MTTP: variants seen among roughly 807,000 people sequenced by gnomAD.
The protein encoded by MTTP is microsomal triglyceride transfer protein large subunit.
In MTTP, 49 loss-of-function variants were observed where a neutral mutation model predicts 90.6. The ratio of observed to expected loss-of-function variants is 0.54; its 90% CI spans 0.43 to 0.69. MTTP has a LOEUF of 0.69. Ranked by LOEUF, MTTP falls within the 30% of genes least tolerant of loss-of-function variation. MTTP has a pLI of 0.00. For synonymous variants in MTTP, 347 were observed against 384.2 expected (o/e 0.90, Z 1.13); for missense variants, 945 against 1,067.5 (o/e 0.89, Z 1.60).
chr4:99,602,102 G>A (rs1278473412), intron 10 of MTTP, among the ~76,000 whole-genome samples: 1 of 151,964 alleles, frequency 6.6e-6, no homozygotes, highest in African/African-American at 2.4e-5. Context: ...TATACTTCTT[G>A]TTTTCAGAGA....
In MTTP at chr4:99,600,410, T is replaced by C. The variant is rs557314477; in HGVS notation, c.1068-155T>C. On this transcript the variant is annotated intron_variant, in intron 8 of 17. Transcript: ENST00000265517. ...TAAAATAAAATGGGGAGGGGTCTTT[T>C]TGAGAAAGTCTTAATCATTTTTTCA... Among the ~76,000 whole-genome samples, 8 of 152,154 alleles carry C rather than the reference T, an allele frequency of 5.3e-5. No homozygotes were observed. The South Asian group carries it at 1.7e-3, about 32-fold the overall frequency.
At chr4:99,602,761 C>T in intron 10 of MTTP, among the ~76,000 whole-genome samples, 1 of 152,086 alleles carries the variant, frequency 6.6e-6, no homozygotes, top group African/African-American at 2.4e-5. Flanking sequence ...TTTACTTCAG[C>T]TATTTGTGTA....
At chr4:99,581,772 A>C in intron 1 of MTTP, 133 bp from the exon 2 acceptor site, 2 of 860,064 alleles carry the variant, frequency 2.3e-6, no homozygotes, top group Non-Finnish European at 3.9e-6. Flanking sequence ...CAGCAGATGA[A>C]GTAGCACCAT....
chr4:99,613,029 A>G lies in MTTP; in HGVS notation c.2106A>G (p.Arg702=). Reference sequence around the variant, plus strand: ...CCATCCTCTTTGATGTTCAGCTCAGACCTGTCACCTTTTTCAACGGATACA... The same window carrying G: ...CCATCCTCTTTGATGTTCAGCTCAGGCCTGTCACCTTTTTCAACGGATACA... ...MSAILFDVQL[R]PVTFFNGYSD... The change falls in exon 15 of 18, where the codon AGA becomes AGG. Residue 702 remains arginine (R), a synonymous_variant. Transcript: ENST00000265517. 1 of 1,614,062 alleles carries G rather than the reference A, an allele frequency of 6.2e-7. No homozygotes were observed. Among genetic ancestry groups the G allele is most frequent in the Non-Finnish European group, 8.5e-7 (1 of 1,179,960 alleles).
Position 99,582,076 on chromosome 4 carries a change from A to C in MTTP, c.233A>C (p.Gln78Pro). ...AGGAATCCTGATGGTGATGATGACC[A>C]GTTGATCCAAATAACGGTGGGCATT... ...LWRNPDGDDD[Q>P]LIQITMKDVN... is the part of the protein sequence containing the mutation. Residue 78 changes from glutamine to proline, a missense_variant, in exon 2 of 18, where the codon CAG becomes CCG. Physicochemically the swap from Gln to Pro is moderately conservative, Grantham distance 76. Coordinates refer to ENST00000265517, the MANE Select transcript of MTTP (RefSeq NM_001386140.1). The C allele has an allele frequency of 6.2e-7, 1 of 1,614,190 alleles. No individual in the cohort carries two copies. The highest frequency in any genetic ancestry group is 8.5e-7 in the Non-Finnish European group (1 of 1,179,998).
chr4:99,621,735 A>T (rs1726238471), intron 17 of MTTP, among the ~76,000 whole-genome samples: 1 of 152,202 alleles, frequency 6.6e-6, no homozygotes, highest in Non-Finnish European at 1.5e-5. Flanking sequence ...GGGATTCTGA[A>T]TTTTTTTAAA....
rs1306934691 is a variant in MTTP at position 99,619,065 on chromosome 4, G to A, written c.2309G>A (p.Trp770Ter). Residue 770 changes from tryptophan (W) to a stop codon, truncating the protein, a stop_gained, in exon 16 of 18, where the codon TGG becomes TAG. Transcript: ENST00000265517. LOFTEE classifies it high-confidence loss of function. The part of the protein sequence containing the change: ...DISGAMEFSL[W>*]YRESKTRVKN... ...TCAGGTGCAATGGAGTTTAGCTTGT[G>A]GTATCGTGAGTCTAAAACCCGAGTG... 6.2e-7 allele frequency: 1 copy of A among 1,613,524 alleles called. No individual in the cohort carries two copies. The highest frequency in any genetic ancestry group is 8.5e-7 in the Non-Finnish European group (1 of 1,179,590).
rs775188670 is a variant in MTTP, at chr4:99,622,861, A to T, written c.*13A>T. 6.2e-7 allele frequency: 1 copy of T among 1,613,478 alleles called. No homozygotes were observed. The highest frequency in any genetic ancestry group is 8.5e-7 in the Non-Finnish European group (1 of 1,179,396). The stretch of plus-strand genomic sequence containing the variant: ...CGGATGGTTTTGAAACTGACCTGTG[A>T]TATTTTACTTGAATTTGTCTCCCCG... On this transcript the variant is annotated 3_prime_UTR_variant, in exon 18 of 18. Coordinates refer to ENST00000265517, the MANE Select transcript of MTTP (RefSeq NM_001386140.1).
At chr4:99,611,535 T>C in intron 14 of MTTP, 82 bp downstream of exon 14, 3 of 1,536,408 alleles carry the variant, frequency 2.0e-6, no homozygotes, top group Non-Finnish European at 2.7e-6. Context: ...ATGCTGTGGG[T>C]AATGCTATAG....
At position 99,589,720 on chromosome 4, in the gene MTTP, GAC is replaced by G; in HGVS notation, c.475_476del (p.Gln159ValfsTer8). ...AGAGAGGTCTGGCTAGCCTATTTCA[GAC>G]ACAGTTAAGCTCTGGAACCACCAAT... Reference protein sequence around the residue: ...IKRGLASLFQTQLSSGTTNEV... With the variant: ...IKRGLASLFQXQLSSGTTNEV... On this transcript the variant is annotated frameshift_variant, in exon 4 of 18. Coordinates refer to ENST00000265517, the MANE Select transcript of MTTP (RefSeq NM_001386140.1). LOFTEE classifies it high-confidence loss of function. 1 of 1,603,478 alleles carries G rather than the reference GAC, an allele frequency of 6.2e-7. No individual in the cohort carries two copies. The highest frequency in any genetic ancestry group is 8.5e-7 in the Non-Finnish European group (1 of 1,170,930).
chr4:99,569,794 C>T (rs1223004784), intron 1 of MTTP, among the ~76,000 whole-genome samples: 1 of 151,908 alleles, frequency 6.6e-6, no homozygotes, highest in Admixed American at 6.6e-5. Context: ...TACCAGACTG[C>T]TTCCTTTACT....
At chr4:99,611,095 C>G in intron 12 of MTTP, 48 bp from the exon 13 acceptor site, 1 of 1,559,630 alleles carries the variant, frequency 6.4e-7, no homozygotes, top group South Asian at 1.1e-5. Flanking sequence ...ACTTGGGAAA[C>G]AGTCATTACA....
Position 99,613,103 on chromosome 4 carries a change from T to C in MTTP, c.2180T>C (p.Val727Ala). 6.2e-7 allele frequency: 1 copy of C among 1,614,020 alleles called. No homozygotes were observed. Among genetic ancestry groups the C allele is most frequent in the Non-Finnish European group, 8.5e-7 (1 of 1,179,918 alleles). ...TCAGCATCTGGCGACCCTATCAGTG[T>C]GGTGAAAGGACTTATTCTGCTAATA... ...MLSASGDPIS[V>A]VKGLILLIDH... The change falls in exon 15 of 18, where the codon GTG becomes GCG. Residue 727 changes from valine to alanine, a missense_variant. Val to Ala is a moderately conservative substitution (Grantham distance 64, BLOSUM62 0). Coordinates refer to ENST00000265517, the MANE Select transcript of MTTP (RefSeq NM_001386140.1).
In MTTP at chr4:99,574,952, T is replaced by C. The variant is rs371979566; in HGVS notation, c.43T>C (p.Tyr15His). 8.7e-6 allele frequency: 14 copies of C among 1,614,052 alleles called. 1 individual carries two copies. Among genetic ancestry groups the C allele is most frequent in the Middle Eastern group, 3.3e-4 (2 of 6,066 alleles). Residue 15 changes from tyrosine to histidine, a missense_variant, in exon 1 of 18, where the codon TAT becomes CAT. Transcript: ENST00000265517. ...AVLFLCFISSYSASVKGHTTG... is the reference protein window; with the variant it reads ...AVLFLCFISSHSASVKGHTTG... ...GCTTTTTCTCTGCTTCATTTCCTCA[T>C]ATTCAGCTTCTGTTAAAGGTAAGTT...
In MTTP at chr4:99,613,354, T is replaced by A. The variant is rs372906883; in HGVS notation, c.2217+214T>A. Among the ~76,000 whole-genome samples the A allele has an allele frequency of 1.5e-4, 23 of 152,272 alleles. No homozygotes were observed. In the South Asian group the frequency reaches 4.6e-3, roughly 30 times the overall value. On this transcript the variant is annotated intron_variant, in intron 15 of 17. Coordinates refer to ENST00000265517, the MANE Select transcript of MTTP (RefSeq NM_001386140.1). ...TAGATGATTAATAAGTGCCTTTAAT[T>A]GGAGGCAAAGAGAAAATGTTGATGT...
chr4:99,574,592 C>T, upstream of MTTP: 1 of 468,774 alleles, frequency 2.1e-6, no homozygotes, highest in Non-Finnish European at 3.9e-6. Flanking sequence ...CTCAGTACTT[C>T]TGCATTTATA....
chr4:99,611,251 C>G lies in MTTP; in HGVS notation c.1867+11C>G. ...CTGGCTACATAGAACGTATGTACAC[C>G]AAAAAGAGGTTCTCCTTCCATACCC... On this transcript the variant is annotated intron_variant, in intron 13 of 17. Transcript: ENST00000265517. 2 of 1,613,260 alleles carry G rather than the reference C, an allele frequency of 1.2e-6. No individual in the cohort carries two copies. The highest frequency in any genetic ancestry group is 1.7e-6 in the Non-Finnish European group (2 of 1,179,298).
At chr4:99,622,407 G>C (rs1726258531) in intron 17 of MTTP, among the ~76,000 whole-genome samples, 4 of 152,252 alleles carry the variant, frequency 2.6e-5, no homozygotes, top group Admixed American at 2.6e-4. Flanking sequence ...AAAGCTTAAT[G>C]GCATCACCAA....
upstream of MTTP, among the ~76,000 whole-genome samples, chr4:99,574,271 A>AT (rs1483681264): frequency 1.3e-5 from 2 of 152,222 alleles, no homozygotes; most frequent in African/African-American, 2.4e-5. Flanking sequence ...ACACATAAGG[A>AT]CAATCATCTA....
Sources: allele counts gnomAD v4.1 joint callset (sites outside exome capture counted in the v4.1 genomes callset), GRCh38; gene constraint gnomAD v4.1.1; transcripts MANE v1.5; gene names NCBI Gene and HGNC (gene_info 2026-07-23, HGNC 2026-07-21).